The following TSPAN9 variants were observed in gnomAD, a reference collection of about 807,000 sequenced individuals.
TSPAN9 encodes the protein tetraspanin 9, also known as tetraspanin-9.
Under a neutral mutation model 31.0 loss-of-function variants are expected in TSPAN9, and 16 were observed. The observed-to-expected ratio is 0.52, with a 90% confidence interval of 0.35 to 0.78. The LOEUF (loss-of-function observed/expected upper bound fraction) is 0.78, where lower values mean the gene tolerates loss of function less well. Among genes scored for constraint, TSPAN9 ranks in the 30% least tolerant of loss-of-function variants. TSPAN9 has a pLI of 0.01. For synonymous variants in TSPAN9, 145 were observed against 121.6 expected, an observed-to-expected ratio of 1.19 and a Z score of -1.27; for missense variants, 272 against 312.5, an observed-to-expected ratio of 0.87 and a Z score of 0.98.
intron 2 of TSPAN9, among the ~76,000 whole-genome samples, chr12:3,176,091 G>A (rs917484393): frequency 1.3e-5 from 2 of 152,202 alleles, no homozygotes; most frequent in Non-Finnish European, 2.9e-5. Context: ...TGGCTCTCAC[G>A]CGCTTCTGTT....
intron 3 of TSPAN9, among the ~76,000 whole-genome samples, chr12:3,209,091 C>T (rs1040287307): frequency 2.6e-5 from 4 of 151,958 alleles, no homozygotes; most frequent in Non-Finnish European, 5.9e-5. Flanking sequence ...AAAAATTAGT[C>T]GGGTGTGGTG....
chr12:3,248,619 TGGGAGGTG>T (rs4045149), intron 3 of TSPAN9, among the ~76,000 whole-genome samples: 70,739 of 149,774 alleles, frequency 0.47, 19,700 homozygotes, highest in South Asian at 0.74. Flanking sequence ...ACAGTGAGCC[TGGGAGGTG>T]GAATAGATCA....
At chr12:3,182,408 C>T (rs983825862) in intron 2 of TSPAN9, among the ~76,000 whole-genome samples, 48 of 151,880 alleles carry the variant, frequency 3.2e-4, no homozygotes, top group African/African-American at 1.1e-3. Context: ...TTGTTCTTGG[C>T]CTAAGGTGAG....
intron 2 of TSPAN9, among the ~76,000 whole-genome samples, chr12:3,149,088 G>C (rs187689782): frequency 3.2e-4 from 48 of 152,360 alleles, no homozygotes; most frequent in Non-Finnish European, 4.3e-4. Context: ...TTATTGAAAA[G>C]AATAGAAATG....
chr12:3,179,208 G>A (rs558565531), intron 2 of TSPAN9, among the ~76,000 whole-genome samples: 34 of 152,232 alleles, frequency 2.2e-4, no homozygotes, highest in South Asian at 1.0e-3. Flanking sequence ...GGATGCCGCA[G>A]ACAGGAAGGC....
At chr12:3,262,352 G>A (rs538282906) in intron 3 of TSPAN9, among the ~76,000 whole-genome samples, 2 of 151,210 alleles carry the variant, frequency 1.3e-5, no homozygotes, top group Non-Finnish European at 3.0e-5. Flanking sequence ...TGCCCTCCTC[G>A]GCTCTCTCTG....
chr12:3,175,852 A>T lies in TSPAN9; in HGVS notation c.-17-25325A>T, dbSNP rs538232046. Among the ~76,000 whole-genome samples, 12 of 152,302 alleles carry T rather than the reference A, an allele frequency of 7.9e-5. 1 individual carries two copies. The South Asian group carries it at 2.3e-3, about 29-fold the overall frequency. ...ACACCGACCCTGGAATCAAACAGGG[A>T]GGTGGCTCTGGGGAGCAGAGTTTTA... is the stretch of plus-strand genomic sequence containing the variant. On this transcript the variant is annotated intron_variant, in intron 2 of 8. Coordinates refer to ENST00000011898, the MANE Select transcript of TSPAN9 (RefSeq NM_006675.5).
intron 2 of TSPAN9, among the ~76,000 whole-genome samples, chr12:3,094,203 A>G (rs1859977162): frequency 6.6e-6 from 1 of 152,094 alleles, no homozygotes; most frequent in Non-Finnish European, 1.5e-5. Context: ...CCTCTTGGAG[A>G]GGCTTCCTGT....
intron 2 of TSPAN9, among the ~76,000 whole-genome samples, chr12:3,152,052 A>T (rs766712855): frequency 6.6e-6 from 1 of 152,256 alleles, no homozygotes; most frequent in African/African-American, 2.4e-5. Context: ...CTTGGCGCAG[A>T]CAACTCTGAG....
chr12:3,185,496 C>T lies in TSPAN9; in HGVS notation c.-17-15681C>T, dbSNP rs553564764. Among the ~76,000 whole-genome samples, 23 of 152,254 alleles carry T rather than the reference C, an allele frequency of 1.5e-4. No individual in the cohort carries two copies. The South Asian group carries it at 2.1e-3, about 14-fold the overall frequency. ...CATGGCTGGTGGATTTGAGGGTGGGCCTGGGAGTTTCCAGTCTGTGTAGAG... is the reference window on the plus strand; with the variant it reads ...CATGGCTGGTGGATTTGAGGGTGGGTCTGGGAGTTTCCAGTCTGTGTAGAG... On this transcript the variant is annotated intron_variant, in intron 2 of 8. Coordinates refer to ENST00000011898, the MANE Select transcript of TSPAN9 (RefSeq NM_006675.5).
chr12:3,199,130 C>G (rs4765720), intron 2 of TSPAN9, among the ~76,000 whole-genome samples: 28,693 of 152,206 alleles, frequency 0.19, 3,124 homozygotes, highest in Middle Eastern at 0.31. Context: ...GCACACAGTT[C>G]TAGGTGTGAC....
intron 2 of TSPAN9, among the ~76,000 whole-genome samples, chr12:3,148,248 A>G (rs2098338218): frequency 2.0e-5 from 3 of 152,174 alleles, no homozygotes; most frequent in African/African-American, 7.2e-5. Context: ...GAATCTGAGA[A>G]CTACCCTGTA....
intron 3 of TSPAN9, among the ~76,000 whole-genome samples, chr12:3,272,113 T>TG (rs1477068628): frequency 6.6e-6 from 1 of 152,166 alleles, no homozygotes; most frequent in Non-Finnish European, 1.5e-5. Flanking sequence ...AAAAAGTGGA[T>TG]GAGGGTGTCA....
chr12:3,139,718 T>G (rs2098333859), intron 2 of TSPAN9, among the ~76,000 whole-genome samples: 1 of 152,130 alleles, frequency 6.6e-6, no homozygotes, highest in Non-Finnish European at 1.5e-5. Context: ...GCTCATTTTT[T>G]TGTATTTTTG....
chr12:3,098,034 G>C (rs889817456), intron 2 of TSPAN9, among the ~76,000 whole-genome samples: 6 of 152,204 alleles, frequency 3.9e-5, no homozygotes, highest in Non-Finnish European at 8.8e-5. Context: ...GATGTGCACC[G>C]ATGCAGGACG....
chr12:3,183,622 T>C (rs556200873), intron 2 of TSPAN9, among the ~76,000 whole-genome samples: 1 of 152,288 alleles, frequency 6.6e-6, no homozygotes, highest in Non-Finnish European at 1.5e-5. Context: ...CAGGGCAGGT[T>C]ATCAACATTC....
chr12:3,274,954 A>G (rs917778771), intron 3 of TSPAN9, among the ~76,000 whole-genome samples: 5 of 152,240 alleles, frequency 3.3e-5, no homozygotes, highest in Non-Finnish European at 7.3e-5. Flanking sequence ...CCCGTAGGGT[A>G]GGCCGCAGAT....
At chr12:3,173,478 A>C (rs1488333432) in intron 2 of TSPAN9, 2 of 152,188 alleles carry the variant, frequency 1.3e-5, no homozygotes, top group Admixed American at 1.3e-4. Context: ...CACTTACCAC[A>C]TGCTTGTGCT....
At chr12:3,095,168 A>G (rs1040575631) in intron 2 of TSPAN9, among the ~76,000 whole-genome samples, 2 of 110,550 alleles carry the variant, frequency 1.8e-5, no homozygotes, top group Non-Finnish European at 3.9e-5. Flanking sequence ...TACATGTTTC[A>G]GAGAGCACAG....
Sources: gnomAD v4.1 joint callset for allele counts (sites outside exome capture counted in the v4.1 genomes callset) on GRCh38, gnomAD v4.1.1 for gene constraint, MANE v1.5 for transcripts, NCBI Gene and HGNC (gene_info 2026-07-23, HGNC 2026-07-21) for gene names.